Variants in MDGA1 observed in about 807,000 individuals in gnomAD.
MDGA1 encodes MAM domain containing glycosylphosphatidylinositol anchor 1.
In MDGA1, 54 loss-of-function variants were observed where a neutral mutation model predicts 101.5. The ratio of observed to expected loss-of-function variants is 0.53; its 90% confidence interval spans 0.43 to 0.67. MDGA1 has a LOEUF of 0.67. Ranked by LOEUF, MDGA1 falls within the 30% of genes least tolerant of loss-of-function variation. MDGA1 has a pLI of 0.00. For synonymous variants in MDGA1, 533 were observed against 558.3 expected (o/e 0.95, Z 0.64); for missense variants, 1,083 against 1,323.8 (o/e 0.82, Z 2.82).
chr6:37,655,793 G>C lies in MDGA1; in HGVS notation c.486C>G (p.Asn162Lys). Residue 162 changes from asparagine to lysine, a missense_variant, in exon 4 of 17, where the codon AAC becomes AAG. This residue lies in a region of MDGA1 where 310 missense variants were observed against 355.9 expected (regional missense o/e 0.87). Transcript: ENST00000434837. The surrounding 1 kb of genome is among the most constrained non-coding windows in gnomAD (Gnocchi z 5.1). Reference sequence around the variant, plus strand: ...GCTTCCAGATGAAGCGGGCAGGCGGGTTGGAGTTGACAGTACAGCGCAGGA... The same window carrying C: ...GCTTCCAGATGAAGCGGGCAGGCGGCTTGGAGTTGACAGTACAGCGCAGGA... ...TVFLRCTVNS[N>K]PPARFIWKRG... The C allele has an allele frequency of 6.2e-7, 1 of 1,613,662 alleles. No homozygotes were observed.
At chr6:37,649,765 T>G in intron 8 of MDGA1, 1 of 512,162 alleles carries the variant, frequency 2.0e-6, no homozygotes, top group Non-Finnish European at 3.7e-6. Flanking sequence ...AGAACAGTGT[T>G]TGGCACATGG....
chr6:37,637,576 TG>T, intron 16 of MDGA1, 117 bp from the exon 17 acceptor site: 1 of 821,636 alleles, frequency 1.2e-6, no homozygotes, highest in East Asian at 2.6e-5. Context: ...GGCCTGAGGG[TG>T]GGCACTGGCC....
chr6:37,666,223 G>T (rs1761748860), intron 1 of MDGA1, among the ~76,000 whole-genome samples: 1 of 151,228 alleles, frequency 6.6e-6, no homozygotes, highest in Non-Finnish European at 1.5e-5. Flanking sequence ...AGCCAGGCAT[G>T]GTGGTGCGTA....
intron 1 of MDGA1, among the ~76,000 whole-genome samples, chr6:37,688,755 C>T (rs1203965502): frequency 1.3e-5 from 2 of 152,244 alleles, no homozygotes; most frequent in Non-Finnish European, 2.9e-5. Flanking sequence ...TCCTGGGCTT[C>T]TCTGTAATCC....
At chr6:37,654,638 G>A in intron 5 of MDGA1, 95 bp from the exon 6 acceptor site, 2 of 1,574,734 alleles carry the variant, frequency 1.3e-6, no homozygotes, top group Non-Finnish European at 1.7e-6. Context: ...GGCTGGAGAA[G>A]CCCTCAGGGG....
intron 2 of MDGA1, among the ~76,000 whole-genome samples, chr6:37,662,812 G>A (rs3857571): frequency 0.6 from 90,407 of 151,794 alleles, 28,281 homozygotes; most frequent in East Asian, 0.85. Context: ...ACCCATACAG[G>A]GACACCCAAG....
intron 1 of MDGA1, among the ~76,000 whole-genome samples, chr6:37,689,182 C>T (rs1762258273): frequency 6.6e-6 from 1 of 152,154 alleles, no homozygotes; most frequent in Admixed American, 6.5e-5. Flanking sequence ...CCTCCTCCCG[C>T]CCCCTAAACA....
At chr6:37,690,849 C>A (rs992459408) in intron 1 of MDGA1, among the ~76,000 whole-genome samples, 6 of 151,862 alleles carry the variant, frequency 4.0e-5, no homozygotes, top group African/African-American at 1.2e-4. Context: ...TCCAGCCCAA[C>A]TGAACAGCTC....
chr6:37,688,458 C>A (rs1386209854), intron 1 of MDGA1, among the ~76,000 whole-genome samples: 1 of 152,158 alleles, frequency 6.6e-6, no homozygotes, highest in Non-Finnish European at 1.5e-5. Flanking sequence ...GTGGAATCTT[C>A]AAAGCCAGCC....
intron 1 of MDGA1, among the ~76,000 whole-genome samples, chr6:37,675,399 T>C (rs184511511): frequency 6.6e-6 from 1 of 152,184 alleles, no homozygotes; most frequent in African/African-American, 2.4e-5. Flanking sequence ...ACACAGTGAC[T>C]TGTACTCAGC....
At chr6:37,664,604 C>CAA (rs1761702061) in intron 1 of MDGA1, among the ~76,000 whole-genome samples, 2 of 116,188 alleles carry the variant, frequency 1.7e-5, no homozygotes, top group East Asian at 6.1e-4. Context: ...CCACAATACA[C>CAA]ACACACACAC....
chr6:37,654,375 C>CT lies in MDGA1; in HGVS notation c.880dup (p.Ser294LysfsTer46). On this transcript the variant is annotated frameshift_variant, in exon 6 of 17. Coordinates refer to ENST00000434837, the MANE Select transcript of MDGA1 (RefSeq NM_153487.4). LOFTEE classifies it high-confidence loss of function. ...GTCCCGGGCCTGCACTGAAGGGATG[C>CT]TGAGGGTGCCACCCTGGGCCAGAGC... The CT allele has an allele frequency of 6.2e-7, 1 of 1,613,404 alleles. No homozygotes were observed. The highest frequency in any genetic ancestry group is 8.5e-7 in the Non-Finnish European group (1 of 1,179,606).
At chr6:37,646,062 G>C (rs772691778) in intron 11 of MDGA1, 106 bp from the exon 12 acceptor site, 5 of 1,585,164 alleles carry the variant, frequency 3.2e-6, no homozygotes, top group Admixed American at 1.7e-5. Flanking sequence ...AGGACTGGGG[G>C]CCAGCGGATC....
chr6:37,682,574 C>T (rs1371972609), intron 1 of MDGA1, among the ~76,000 whole-genome samples: 1 of 152,202 alleles, frequency 6.6e-6, no homozygotes, highest in Non-Finnish European at 1.5e-5. Flanking sequence ...TGATTCCAGG[C>T]TGATCCCCCT....
At chr6:37,637,585 G>T (rs939383421) in intron 16 of MDGA1, 126 bp from the exon 17 acceptor site, 5 of 739,220 alleles carry the variant, frequency 6.8e-6, no homozygotes, top group Non-Finnish European at 1.1e-5. Flanking sequence ...GTGGGCACTG[G>T]CCTCAGTGCA....
rs557131800 is a variant in MDGA1, at chr6:37,647,138, ACCTGC to A, written c.2046+30_2046+34del. 4,318 of 1,562,590 alleles carry A rather than the reference ACCTGC, an allele frequency of 2.8e-3. 129 individuals are homozygous for A. The South Asian group carries it at 0.047, about 17-fold the overall frequency. ...TCCAGGGTCAGCCACACCACACTCC[ACCTGC>A]CCCCAGGCCCCCGCTCCCCCTTGGC... On this transcript the variant is annotated intron_variant, in intron 10 of 16. Coordinates refer to ENST00000434837, the MANE Select transcript of MDGA1 (RefSeq NM_153487.4).
rs184966622 is a variant in MDGA1, at chr6:37,645,966, C to T, written c.2225-10G>A. On this transcript the variant is annotated splice_polypyrimidine_tract_variant and intron_variant, in intron 11 of 16. Coordinates refer to ENST00000434837, the MANE Select transcript of MDGA1 (RefSeq NM_153487.4). ...TTCGGAGAGTTGATGGCTGAGAAAG[C>T]AAGCGGGGAAACCAAGTCAGAACTG... 228 of 1,613,988 alleles carry T rather than the reference C, an allele frequency of 1.4e-4. No homozygotes were observed. In the African/African-American group the frequency reaches 2.7e-3, roughly 19 times the overall value.
rs141093088 is a variant in MDGA1, at chr6:37,681,969, G to A, written c.67+14776C>T. 8.5e-5 allele frequency among the ~76,000 whole-genome samples: 13 copies of A among 152,272 alleles called. No individual in the cohort carries two copies. In the East Asian group the frequency reaches 2.5e-3, roughly 29 times the overall value. Reference sequence around the variant, plus strand: ...TCCCTTGAGGCCACTTTGCCAGCAGGCACAGTAAAGGAGGTGCATGGCTTG... The same window carrying A: ...TCCCTTGAGGCCACTTTGCCAGCAGACACAGTAAAGGAGGTGCATGGCTTG... On this transcript the variant is annotated intron_variant, in intron 1 of 16. Transcript: ENST00000434837.
Position 37,655,968 on chromosome 6 carries a change from C to CTCTT in MDGA1, c.383-73_383-72insAAGA. On this transcript the variant is annotated intron_variant, in intron 3 of 16. Coordinates refer to ENST00000434837, the MANE Select transcript of MDGA1 (RefSeq NM_153487.4). The surrounding 1 kb of genome is among the most constrained non-coding windows in gnomAD (Gnocchi z 5.1). The stretch of plus-strand genomic sequence containing the variant: ...GTTGGGGGGCTCAGGCTCCTGGCAG[C>CTCTT]CCTTAGGAAGAGCTGAGCCACCCTC... 7.3e-7 allele frequency: 1 copy of CTCTT among 1,361,378 alleles called. No homozygotes were observed. Among genetic ancestry groups the CTCTT allele is most frequent in the Non-Finnish European group, 9.9e-7 (1 of 1,006,194 alleles). 84.3% of individuals were successfully genotyped at this position (1,361,378 alleles called of 1,614,324 possible).
Sources: allele counts gnomAD v4.1 joint callset (sites outside exome capture counted in the v4.1 genomes callset), GRCh38; gene constraint gnomAD v4.1.1; regional missense constraint gnomAD v4.1.1; non-coding constraint Gnocchi (gnomAD v3.1); transcripts MANE v1.5; gene names NCBI Gene and HGNC (gene_info 2026-07-23, HGNC 2026-07-21).